Variants in GALK2 observed in about 807,000 individuals in gnomAD.
GALK2 encodes N-acetylgalactosamine kinase.
GALK2 carries 36 observed loss-of-function variants against 52.4 expected under a neutral mutation model. That is an observed-to-expected ratio of 0.69 (90% CI 0.53 to 0.91). GALK2 has a LOEUF of 0.91. Among genes scored for constraint, GALK2 ranks in the 40% least tolerant of loss-of-function variants. The pLI is 0.00. For missense variants in GALK2, 579 were observed against 559.1 expected (o/e 1.04, Z -0.36); for synonymous variants, 176 against 199.1 (o/e 0.88, Z 0.98).
intron 3 of GALK2, chr15:49,365,906 G>A (rs979834830): frequency 2.8e-5 from 27 of 968,108 alleles, no homozygotes; most frequent in Admixed American, 2.5e-4. Context: ...GAGTTGTACA[G>A]ACTCATTGCT....
At chr15:49,350,889 C>T (rs2042144571) in intron 3 of GALK2, among the ~76,000 whole-genome samples, 1 of 152,166 alleles carries the variant, frequency 6.6e-6, no homozygotes, top group South Asian at 2.1e-4. Flanking sequence ...TGCTGATAGG[C>T]TCATCCTAAT....
chr15:49,360,253 A>T (rs958455489), intron 3 of GALK2, among the ~76,000 whole-genome samples: 2 of 149,550 alleles, frequency 1.3e-5, no homozygotes, highest in Non-Finnish European at 1.5e-5. Context: ...AAAAAAAAAA[A>T]GTCTGTGTAT....
chr15:49,299,137 G>T (rs899843384), intron 8 of GALK2, among the ~76,000 whole-genome samples: 11 of 151,812 alleles, frequency 7.2e-5, no homozygotes, highest in Non-Finnish European at 1.6e-4. Context: ...AGTTCCTGGA[G>T]TTTATTCATT....
At chr15:49,175,007 C>A (rs1400063587) in intron 1 of GALK2, among the ~76,000 whole-genome samples, 12 of 152,272 alleles carry the variant, frequency 7.9e-5, no homozygotes, top group African/African-American at 2.6e-4. Flanking sequence ...TTAGGCCCCA[C>A]AGAGTCTGTC....
intron 3 of GALK2, among the ~76,000 whole-genome samples, chr15:49,220,709 G>A (rs770958827): frequency 2.2e-4 from 34 of 152,244 alleles, no homozygotes; most frequent in South Asian, 1.9e-3. Flanking sequence ...CAGTGTATAA[G>A]TGTTTCCTTT....
intron 5 of GALK2, among the ~76,000 whole-genome samples, chr15:49,241,014 T>A (rs2091066532): frequency 6.6e-6 from 1 of 152,134 alleles, no homozygotes; most frequent in Admixed American, 6.5e-5. Flanking sequence ...TCAGTAGGAC[T>A]TGGTCATTGA....
At position 49,328,576 on chromosome 15, in the gene GALK2, C is replaced by CTTCT; in HGVS notation, c.*419_*422dup. ...TTCATTTCTGGTTTCTCTTAGTATT[C>CTTCT]TTCTTCCTCAAAGTTGTAGTTGTCT... is the stretch of plus-strand genomic sequence containing the variant. On this transcript the variant is annotated 3_prime_UTR_variant, in exon 10 of 10. Coordinates refer to ENST00000560031, the MANE Select transcript of GALK2 (RefSeq NM_002044.4). The CTTCT allele has an allele frequency of 6.2e-7, 1 of 1,602,580 alleles. No homozygotes were observed.
At chr15:49,157,181 C>T (rs2084487695) in intron 1 of GALK2, among the ~76,000 whole-genome samples, 1 of 152,156 alleles carries the variant, frequency 6.6e-6, no homozygotes, top group East Asian at 1.9e-4. Flanking sequence ...TGGGAAGTGT[C>T]CTGAATCCCT....
intron 1 of GALK2, among the ~76,000 whole-genome samples, chr15:49,164,478 A>G (rs1483900969): frequency 6.6e-6 from 1 of 152,130 alleles, no homozygotes; most frequent in African/African-American, 2.4e-5. Flanking sequence ...TTTAGTTTCT[A>G]GGTGAAGAAA....
intron 3 of GALK2, chr15:49,353,468 G>T (rs2042550239): frequency 6.6e-6 from 1 of 152,024 alleles, no homozygotes; most frequent in Admixed American, 6.5e-5. Flanking sequence ...AGGATTTTTA[G>T]GCCTGTATGT....
At chr15:49,221,329 G>A (rs1311281352) in intron 3 of GALK2, among the ~76,000 whole-genome samples, 1 of 152,144 alleles carries the variant, frequency 6.6e-6, no homozygotes, top group African/African-American at 2.4e-5. Context: ...TTATTCAAGA[G>A]GGTGTTTGTT....
chr15:49,358,776 C>T (rs113819771), intron 3 of GALK2, among the ~76,000 whole-genome samples: 1 of 152,128 alleles, frequency 6.6e-6, no homozygotes, highest in Admixed American at 6.5e-5. Context: ...GCCTGCATCG[C>T]CAAGTCAAAC....
chr15:49,316,049 C>T (rs976195885), intron 8 of GALK2, among the ~76,000 whole-genome samples: 7 of 152,148 alleles, frequency 4.6e-5, no homozygotes, highest in African/African-American at 1.7e-4. Context: ...CTAAAATGTG[C>T]TTGGATGGGA....
In GALK2 at chr15:49,329,599, T is replaced by C; in HGVS notation, c.*1440T>C. On this transcript the variant is annotated 3_prime_UTR_variant, in exon 10 of 10. Transcript: ENST00000560031. ...GCCAATATTCTATTTAAAAATAAAC[T>C]TCTGATGCATTTTCATTCTTAGCAG... is the stretch of plus-strand genomic sequence containing the variant. The C allele has an allele frequency of 1.0e-6, 1 of 984,652 alleles. No individual in the cohort carries two copies. Among genetic ancestry groups the C allele is most frequent in the South Asian group, 4.7e-5 (1 of 21,274 alleles). The allele number at this position is 984,652 out of a possible 1,614,324, so 61.0% of individuals were successfully genotyped here.
At chr15:49,363,064 C>T (rs2044528016) in intron 3 of GALK2, among the ~76,000 whole-genome samples, 1 of 152,166 alleles carries the variant, frequency 6.6e-6, no homozygotes, top group Non-Finnish European at 1.5e-5. Context: ...CATGATTCCT[C>T]CAGCTTTGTC....
intron 5 of GALK2, among the ~76,000 whole-genome samples, chr15:49,264,647 C>G (rs946165304): frequency 3.9e-5 from 6 of 152,276 alleles, no homozygotes; most frequent in Admixed American, 3.9e-4. Context: ...AGGAGAGGCG[C>G]TCTGCTTTTT....
chr15:49,338,871 T>C (rs1419566875), intron 3 of GALK2, among the ~76,000 whole-genome samples: 2 of 152,226 alleles, frequency 1.3e-5, no homozygotes, highest in African/African-American at 4.8e-5. Flanking sequence ...CTTTACTTCA[T>C]TGAGTTGATT....
chr15:49,235,740 G>A, intron 3 of GALK2, 111 bp from the exon 4 acceptor site: 1 of 793,438 alleles, frequency 1.3e-6, no homozygotes, highest in Non-Finnish European at 2.3e-6. Flanking sequence ...AACATAAAAG[G>A]TAAAGGAGAG....
At chr15:49,170,060 C>T (rs1200394114), upstream of GALK2, 1 of 636,600 alleles carries the variant, frequency 1.6e-6, no homozygotes, top group Non-Finnish European at 2.5e-6. Flanking sequence ...CTGCGAGGCC[C>T]TAGTCCCTCC....
Sources: allele counts gnomAD v4.1 joint callset (sites outside exome capture counted in the v4.1 genomes callset), GRCh38; gene constraint gnomAD v4.1.1; transcripts MANE v1.5; gene names NCBI Gene and HGNC (gene_info 2026-07-23, HGNC 2026-07-21).